Variants in TMEM116 observed in about 807,000 individuals in gnomAD.
The protein encoded by TMEM116 is transmembrane protein 116.
A neutral mutation model predicts 44.3 loss-of-function variants in TMEM116; 38 were observed. That is an observed-to-expected ratio of 0.86 (90% CI 0.66 to 1.12). The LOEUF (loss-of-function observed/expected upper bound fraction) is 1.12. Ranked by LOEUF, TMEM116 falls within the 50% of genes most tolerant of loss-of-function variation. The pLI, the probability that TMEM116 is intolerant of heterozygous loss-of-function variation, is 0.00. For missense variants in TMEM116, 354 were observed against 401.7 expected (o/e 0.88, Z 1.01); for synonymous variants, 132 against 144.8 (o/e 0.91, Z 0.64).
chr12:112,002,455 C>G (rs1283376314), intron 3 of TMEM116, among the ~76,000 whole-genome samples: 1 of 148,472 alleles, frequency 6.7e-6, no homozygotes. Flanking sequence ...ATCCCAGCTA[C>G]TTGGGAGGCT....
At chr12:112,011,462 A>G (rs1011436252) in intron 1 of TMEM116, 1 of 152,218 alleles carries the variant, frequency 6.6e-6, no homozygotes, top group Non-Finnish European at 1.5e-5. Flanking sequence ...GAAACATACA[A>G]TGGTTAATTA....
chr12:111,943,310 C>T lies in TMEM116; in HGVS notation c.270G>A (p.Glu90=). The part of the protein sequence containing the change: ...TVNYIWYLYT[E]LRMKHTQSGQ... ...CACTCTGGGTGTGTTTCATCCTCAG[C>T]TCTGTGTACAAATACCAGATGTAAT... The change falls in exon 5 of 11, where the codon GAG becomes GAA. Residue 90 remains glutamate, a synonymous_variant. Transcript: ENST00000552374. 1 of 1,614,088 alleles carries T rather than the reference C, an allele frequency of 6.2e-7. No homozygotes were observed. The highest frequency in any genetic ancestry group is 8.5e-7 in the Non-Finnish European group (1 of 1,180,004).
intron 4 of TMEM116, among the ~76,000 whole-genome samples, chr12:111,958,277 T>TAAAAA (rs61637468): frequency 2.9e-4 from 8 of 27,518 alleles, no homozygotes; most frequent in Non-Finnish European, 6.3e-4. Context: ...CAATAAATAC[T>TAAAAA]AAAAAAAAAA....
chr12:112,005,513 G>C, intron 1 of TMEM116: 1 of 467,644 alleles, frequency 2.1e-6, no homozygotes, highest in East Asian at 4.5e-5. Flanking sequence ...ATTTCACTGG[G>C]AAATAGTATG....
chr12:112,003,307 G>A (rs528869274), intron 3 of TMEM116, among the ~76,000 whole-genome samples: 74 of 152,214 alleles, frequency 4.9e-4, no homozygotes, highest in African/African-American at 1.5e-3. Context: ...GGTGGCTCAC[G>A]CCTGTAATCC....
At chr12:111,986,170 A>C (rs2076219071) in intron 4 of TMEM116, among the ~76,000 whole-genome samples, 2 of 151,674 alleles carry the variant, frequency 1.3e-5, no homozygotes, top group Admixed American at 1.3e-4. Context: ...AGCCTGAGCA[A>C]CACGGCAAGA....
chr12:111,940,555 A>ATGTG (rs2072716891), intron 5 of TMEM116, among the ~76,000 whole-genome samples: 2 of 124,252 alleles, frequency 1.6e-5, no homozygotes, highest in African/African-American at 6.9e-5. Context: ...ACACACACAC[A>ATGTG]TATATATGTG....
intron 5 of TMEM116, among the ~76,000 whole-genome samples, chr12:111,939,446 C>T (rs969612353): frequency 2.4e-5 from 3 of 122,682 alleles, no homozygotes; most frequent in Admixed American, 8.2e-5. Flanking sequence ...AATGAGAATC[C>T]GTCTCAAAAA....
At chr12:111,965,401 A>T (rs1161523698) in intron 4 of TMEM116, among the ~76,000 whole-genome samples, 1 of 152,220 alleles carries the variant, frequency 6.6e-6, no homozygotes, top group African/African-American at 2.4e-5. Context: ...TTATAAGGAG[A>T]GTACATATTT....
chr12:111,945,127 A>T (rs1175154373), intron 4 of TMEM116, among the ~76,000 whole-genome samples: 1 of 150,936 alleles, frequency 6.6e-6, no homozygotes, highest in East Asian at 1.9e-4. Flanking sequence ...AAACCTTGAA[A>T]AGGTCAGGAG....
chr12:111,957,968 C>T (rs1175725289), intron 4 of TMEM116, among the ~76,000 whole-genome samples: 9 of 152,166 alleles, frequency 5.9e-5, no homozygotes, highest in Non-Finnish European at 1.2e-4. Context: ...TAATCTATAA[C>T]CTTACCCCCA....
chr12:111,955,497 C>A (rs1408763914), intron 4 of TMEM116, among the ~76,000 whole-genome samples: 1 of 152,182 alleles, frequency 6.6e-6, no homozygotes. Context: ...ATAAAAAAAT[C>A]TGAGGTTTGA....
intron 4 of TMEM116, among the ~76,000 whole-genome samples, chr12:111,966,409 C>T (rs946228580): frequency 1.3e-5 from 2 of 152,064 alleles, no homozygotes; most frequent in Non-Finnish European, 2.9e-5. Flanking sequence ...AAAACTGATG[C>T]CTGAGTGTAC....
intron 4 of TMEM116, among the ~76,000 whole-genome samples, chr12:111,956,845 G>A (rs777797289): frequency 1.3e-5 from 2 of 152,178 alleles, no homozygotes; most frequent in African/African-American, 2.4e-5. Flanking sequence ...AGTGAGTGGC[G>A]TGATCTCGGA....
At chr12:111,964,745 T>C (rs1235906572) in intron 4 of TMEM116, among the ~76,000 whole-genome samples, 4 of 152,190 alleles carry the variant, frequency 2.6e-5, no homozygotes, top group African/African-American at 9.6e-5. Flanking sequence ...TGAAGTGTAG[T>C]AGTGTGATCG....
chr12:111,953,463 C>A (rs967342985), intron 4 of TMEM116, among the ~76,000 whole-genome samples: 19 of 152,178 alleles, frequency 1.2e-4, no homozygotes, highest in Non-Finnish European at 2.9e-5. Flanking sequence ...AAATCCCTGA[C>A]AAATGGAGCC....
intron 4 of TMEM116, among the ~76,000 whole-genome samples, chr12:111,955,012 C>A (rs1183238580): frequency 1.3e-5 from 2 of 152,112 alleles, no homozygotes; most frequent in African/African-American, 4.8e-5. Context: ...CTGAAGGTAG[C>A]CAGATTCTCT....
chr12:111,950,220 A>C (rs1011975163), intron 4 of TMEM116, among the ~76,000 whole-genome samples: 4 of 152,182 alleles, frequency 2.6e-5, no homozygotes, highest in African/African-American at 7.2e-5. Flanking sequence ...GGCAACACAG[A>C]AAGTTCACTG....
chr12:112,012,630 T>C (rs1037871941), intron 1 of TMEM116: 1 of 152,468 alleles, frequency 6.6e-6, no homozygotes, highest in Non-Finnish European at 1.5e-5. Context: ...ATTATTCCTA[T>C]GCCGCCTCCT....
Sources: gnomAD v4.1 joint callset for allele counts (sites outside exome capture counted in the v4.1 genomes callset) on GRCh38, gnomAD v4.1.1 for gene constraint, MANE v1.5 for transcripts, NCBI Gene and HGNC (gene_info 2026-07-23, HGNC 2026-07-21) for gene names.